The following POSTN variants were observed in gnomAD, a reference collection of about 807,000 sequenced individuals.
The protein encoded by POSTN is osteoblast specific factor 2 (fasciclin I-like).
A neutral mutation model predicts 104.5 loss-of-function variants in POSTN; 71 were observed. The observed-to-expected ratio is 0.68, with a 90% CI of 0.56 to 0.83. The LOEUF (loss-of-function observed/expected upper bound fraction) is 0.83, where lower values mean the gene tolerates loss of function less well. POSTN is among the 40% of genes least tolerant of loss of function. The pLI is 0.00. For synonymous variants in POSTN, 355 were observed against 340.7 expected (o/e 1.04, Z -0.46); for missense variants, 949 against 1,006.8 (o/e 0.94, Z 0.78).
rs1950016745 is a variant in POSTN, at chr13:37,564,199, TA to T, written c.2473+319del. 1.1e-3 allele frequency among the ~76,000 whole-genome samples: 122 copies of T among 110,626 alleles called. 6 individuals are homozygous for T. The highest frequency in any genetic ancestry group is 2.3e-3 in the African/African-American group (67 of 28,558). 72.6% of individuals were successfully genotyped at this position (110,626 alleles called of 152,430 possible). A position where few individuals can be genotyped will look rare whatever the true frequency, so the allele number is the denominator to read the frequency against. On this transcript the variant is annotated intron_variant, in intron 22 of 22. Transcript: ENST00000379747. Reference sequence around the variant, plus strand: ...AACATTACATATATATATATATATATATATATATATATATATATATATATAT... The same window carrying T: ...AACATTACATATATATATATATATATTATATATATATATATATATATATAT...
chr13:37,579,974 A>T lies in POSTN; in HGVS notation c.1547T>A (p.Leu516His), dbSNP rs762354921. 1.2e-6 allele frequency: 2 copies of T among 1,613,582 alleles called. No individual in the cohort carries two copies. Among genetic ancestry groups the T allele is most frequent in the Non-Finnish European group, 1.7e-6 (2 of 1,179,546 alleles). ...GAGCTCTTTCAAGTCTGCAGCTTCA[A>T]GTAGGCTGAGGAAGGTGCTAAGTGG... ...DKRFSTFLSLLEAADLKELLT... is the reference protein window; with the variant it reads ...DKRFSTFLSLHEAADLKELLT... The change falls in exon 12 of 23, where the codon CTT (leucine) becomes CAT (histidine). Residue 516 changes from leucine (L) to histidine (H), a missense_variant. Leu to His is a moderately conservative substitution (Grantham distance 99). Coordinates refer to ENST00000379747, the MANE Select transcript of POSTN (RefSeq NM_006475.3).
chr13:37,563,234 G>T lies in POSTN; in HGVS notation c.*99C>A. On this transcript the variant is annotated 3_prime_UTR_variant, in exon 23 of 23. Transcript: ENST00000379747. Reference sequence around the variant, plus strand: ...TATTTGATGATTGCTTCTTTGTGCTGATGTTTCAGTTCCTGAAGTCAACTT... The same window carrying T: ...TATTTGATGATTGCTTCTTTGTGCTTATGTTTCAGTTCCTGAAGTCAACTT... 3.1e-6 allele frequency: 2 copies of T among 648,958 alleles called. No homozygotes were observed. Among genetic ancestry groups the T allele is most frequent in the Admixed American group, 2.7e-5 (1 of 37,472 alleles). The allele number at this position is 648,958 out of a possible 1,614,324, so 40.2% of individuals were successfully genotyped here.
chr13:37,571,613 T>C (rs767025835), intron 17 of POSTN, 155 bp from the exon 18 acceptor site: 10 of 532,288 alleles, frequency 1.9e-5, no homozygotes, highest in Non-Finnish European at 3.3e-5. Flanking sequence ...TCCCATTGTC[T>C]TCAAATTAGA....
At chr13:37,588,151 G>T (rs1464484359) in intron 4 of POSTN, among the ~76,000 whole-genome samples, 165 bp from the exon 5 acceptor site, 1 of 151,912 alleles carries the variant, frequency 6.6e-6, no homozygotes, top group South Asian at 2.1e-4. Flanking sequence ...ATTGGTTAAG[G>T]GATTTTGTAA....
intron 3 of POSTN, 53 bp downstream of exon 3, chr13:37,592,047 A>C (rs2138376392): frequency 9.7e-3 from 12,023 of 1,239,456 alleles, no homozygotes; most frequent in Non-Finnish European, 0.013. Flanking sequence ...AAGCCACCTC[A>C]ACCCTTTCTT....
chr13:37,581,314 C>T (rs1758724929), intron 10 of POSTN, among the ~76,000 whole-genome samples: 1 of 152,176 alleles, frequency 6.6e-6, no homozygotes, highest in African/African-American at 2.4e-5. Flanking sequence ...GCCTGACTTC[C>T]TGTGAAGTCT....
chr13:37,573,994 G>C (rs928494290), intron 17 of POSTN, among the ~76,000 whole-genome samples: 20 of 151,492 alleles, frequency 1.3e-4, no homozygotes, highest in Admixed American at 1.2e-3. Flanking sequence ...AATATGTTCA[G>C]GGCTGGAATT....
At chr13:37,583,537 G>C (rs1950662196) in intron 9 of POSTN, among the ~76,000 whole-genome samples, 1 of 143,578 alleles carries the variant, frequency 7.0e-6, no homozygotes. Flanking sequence ...CAATTCTCCT[G>C]CCTCAGCCTC....
At chr13:37,598,081 C>A (rs143073713) in intron 1 of POSTN, among the ~76,000 whole-genome samples, 1 of 152,042 alleles carries the variant, frequency 6.6e-6, no homozygotes, top group Admixed American at 6.6e-5. Context: ...ATATAAATTA[C>A]CTTTGCAAAT....
chr13:37,567,673 T>G (rs553822134), intron 21 of POSTN, among the ~76,000 whole-genome samples: 1 of 152,170 alleles, frequency 6.6e-6, no homozygotes, highest in Admixed American at 6.5e-5. Context: ...CTTACAGATA[T>G]GTAGAGAGAT....
chr13:37,566,258 T>C (rs1950096283), intron 21 of POSTN, among the ~76,000 whole-genome samples: 1 of 152,174 alleles, frequency 6.6e-6, no homozygotes, highest in Admixed American at 6.5e-5. Flanking sequence ...CTTGAATATA[T>C]TGGCACAAAG....
Position 37,574,561 on chromosome 13 carries a change from T to C in POSTN, c.2089+11A>G, listed in dbSNP as rs1410740613. The C allele has an allele frequency of 1.3e-6, 2 of 1,587,380 alleles. No homozygotes were observed. The highest frequency in any genetic ancestry group is 2.3e-5 in the East Asian group (1 of 44,208). On this transcript the variant is annotated intron_variant, in intron 17 of 22. Coordinates refer to ENST00000379747, the MANE Select transcript of POSTN (RefSeq NM_006475.3). ...ACTATAAAAGGAACCATGTATAACA[T>C]TGATTTTTACCTTCAGTTTTGATAA...
chr13:37,582,461 T>C lies in POSTN; in HGVS notation c.1297A>G (p.Ile433Val). 8 of 1,613,588 alleles carry C rather than the reference T, an allele frequency of 5.0e-6. No homozygotes were observed. Among genetic ancestry groups the C allele is most frequent in the Non-Finnish European group, 6.8e-6 (8 of 1,179,620 alleles). Residue 433 changes from isoleucine to valine, a missense_variant, in exon 10 of 23, where the codon ATA (isoleucine) becomes GTA (valine). Coordinates refer to ENST00000379747, the MANE Select transcript of POSTN (RefSeq NM_006475.3). ...RLLKLILQNHILKVKVGLNEL... is the reference protein window; with the variant it reads ...RLLKLILQNHVLKVKVGLNEL... Reference sequence around the variant, plus strand: ...TTAAGGCCAACTTTTACTTTCAATATGTGATTCTGCAGAATTAATTTAAGG... The same window carrying C: ...TTAAGGCCAACTTTTACTTTCAATACGTGATTCTGCAGAATTAATTTAAGG...
rs1217633843 is a variant in POSTN, at chr13:37,590,394, T to C, written c.419A>G (p.Glu140Gly). The C allele has an allele frequency of 1.9e-6, 3 of 1,591,516 alleles. No homozygotes were observed. The highest frequency in any genetic ancestry group is 1.1e-5 in the South Asian group (1 of 87,856). Residue 140 changes from glutamate to glycine, a missense_variant, in exon 4 of 23, where the codon GAG becomes GGG. Glu to Gly is a moderately conservative substitution (Grantham distance 98). Transcript: ENST00000379747. ...TACAGAATCCAAGTTGTCCCAAGCCTCATTACTCGGTGCAAAGTAAGTGAA... is the reference window on the plus strand; with the variant it reads ...TACAGAATCCAAGTTGTCCCAAGCCCCATTACTCGGTGCAAAGTAAGTGAA... ...GSFTYFAPSNEAWDNLDSDIR... is the reference protein window; with the variant it reads ...GSFTYFAPSNGAWDNLDSDIR...
At position 37,562,922 on chromosome 13, in the gene POSTN, GGA is replaced by G. The variant is rs1266888062; in HGVS notation, c.*409_*410del. 1 of 153,446 alleles carries G rather than the reference GGA, an allele frequency of 6.5e-6. No homozygotes were observed. The highest frequency in any genetic ancestry group is 6.5e-5 in the Admixed American group (1 of 15,306). The allele number at this position is 153,446 out of a possible 1,614,324, so 9.5% of individuals were successfully genotyped here. On this transcript the variant is annotated 3_prime_UTR_variant, in exon 23 of 23. Transcript: ENST00000379747. ...CTATTTTTATAACTTAGCTTCCCAT[GGA>G]GAGATAATGGCTTGCGTGCATTTTA...
At chr13:37,563,395 A>T (rs772217929) in intron 22 of POSTN, 25 bp from the exon 23 acceptor site, 3 of 1,497,206 alleles carry the variant, frequency 2.0e-6, no homozygotes, top group Non-Finnish European at 2.7e-6. Flanking sequence ...AGGAGAATGT[A>T]TAGACTGTAA....
intron 18 of POSTN, chr13:37,570,890 C>A: frequency 4.4e-6 from 2 of 456,718 alleles, no homozygotes; most frequent in Non-Finnish European, 7.9e-6. Flanking sequence ...GGCCATTTGA[C>A]ATCCTAACTC....
In POSTN at chr13:37,582,513, A is replaced by G. The variant is rs1351640180; in HGVS notation, c.1245T>C (p.Asp415=). 1.9e-6 allele frequency: 3 copies of G among 1,591,422 alleles called. No individual in the cohort carries two copies. The highest frequency in any genetic ancestry group is 1.9e-5 in the Admixed American group (1 of 53,566). Residue 415 remains aspartate (D), a splice_region_variant and synonymous_variant, in exon 10 of 23, where the codon GAT becomes GAC. Coordinates refer to ENST00000379747, the MANE Select transcript of POSTN (RefSeq NM_006475.3). ...GGCGCTGATCCATGCTGAGAGTATC[A>G]TCTGTAAATAAATTCATTAAGAAAG... ...LLAPVNNAFS[D]DTLSMDQRLL...
chr13:37,580,146 A>C (rs928660878), intron 11 of POSTN, among the ~76,000 whole-genome samples, 155 bp from the exon 12 acceptor site: 18 of 152,228 alleles, frequency 1.2e-4, no homozygotes, highest in African/African-American at 4.1e-4. Context: ...ACCTGTTAAA[A>C]GTTTTATCAT....
Sources: allele counts gnomAD v4.1 joint callset (sites outside exome capture counted in the v4.1 genomes callset), GRCh38; gene constraint gnomAD v4.1.1; transcripts MANE v1.5; gene names NCBI Gene and HGNC (gene_info 2026-07-23, HGNC 2026-07-21).